The following FHIT variants were observed in gnomAD, a reference collection of about 807,000 sequenced individuals.
FHIT encodes bis(5'-adenosyl)-triphosphatase.
FHIT carries 19 observed loss-of-function variants against 17.9 expected under a neutral mutation model. The ratio of observed to expected loss-of-function variants is 1.06; its 90% CI spans 0.74 to 1.56. The LOEUF (loss-of-function observed/expected upper bound fraction) is 1.56. Ranked by LOEUF, FHIT falls within the 40% of genes most tolerant of loss-of-function variation. FHIT has a pLI of 0.00. For missense variants in FHIT, 248 were observed against 189.2 expected (o/e 1.31, Z -1.82); for synonymous variants, 81 against 69.7 (o/e 1.16, Z -0.81).
chr3:60,294,254 A>G (rs1169856326), intron 5 of FHIT, among the ~76,000 whole-genome samples: 1 of 152,150 alleles, frequency 6.6e-6, no homozygotes, highest in Non-Finnish European at 1.5e-5. Context: ...AAATAACATA[A>G]CAGATTCACT....
intron 4 of FHIT, among the ~76,000 whole-genome samples, chr3:60,569,749 ATATATATT>A (rs1185768766): frequency 8.0e-5 from 5 of 62,774 alleles, no homozygotes; most frequent in African/African-American, 3.1e-4. Context: ...ATATATATAT[ATATATATT>A]TTTTTTTTTT....
At position 60,838,118 on chromosome 3, in the gene FHIT, G is replaced by A. The variant is rs533302534; in HGVS notation, c.-110-16107C>T. ...TTAGATAACTCTTTTCTTTTCTTTC[G>A]AGGCAGAGTCTCACCGTGTCATCCA... On this transcript the variant is annotated intron_variant, in intron 3 of 9. Transcript: ENST00000492590. Among the ~76,000 whole-genome samples the A allele has an allele frequency of 3.0e-4, 46 of 151,810 alleles. 1 individual carries two copies. The South Asian group carries it at 6.2e-3, about 21-fold the overall frequency.
At chr3:60,623,547 G>A (rs2039194863) in intron 4 of FHIT, among the ~76,000 whole-genome samples, 1 of 152,116 alleles carries the variant, frequency 6.6e-6, no homozygotes, top group South Asian at 2.1e-4. Flanking sequence ...AATACTGTGT[G>A]TTTGTATCAC....
chr3:60,151,796 A>C (rs1048541419), intron 5 of FHIT, among the ~76,000 whole-genome samples: 2 of 152,106 alleles, frequency 1.3e-5, no homozygotes, highest in Non-Finnish European at 2.9e-5. Context: ...CACCAATCTC[A>C]TATCTTCAAA....
At chr3:60,537,700 C>A (rs1223856923) in intron 4 of FHIT, among the ~76,000 whole-genome samples, 2 of 152,086 alleles carry the variant, frequency 1.3e-5, no homozygotes, top group African/African-American at 4.8e-5. Flanking sequence ...GGGAATTTGG[C>A]AAATGGCACA....
chr3:60,673,947 C>T (rs2040565691), intron 4 of FHIT, among the ~76,000 whole-genome samples: 1 of 152,030 alleles, frequency 6.6e-6, no homozygotes. Context: ...TTGATTTTTT[C>T]ACTATATTTG....
intron 5 of FHIT, among the ~76,000 whole-genome samples, chr3:60,427,549 G>T (rs1016605494): frequency 1.3e-5 from 2 of 152,102 alleles, no homozygotes; most frequent in African/African-American, 4.8e-5. Context: ...CACAGCAATA[G>T]CAATCTCCCG....
At chr3:60,432,208 T>G (rs1405284163) in intron 5 of FHIT, among the ~76,000 whole-genome samples, 2 of 152,072 alleles carry the variant, frequency 1.3e-5, no homozygotes, top group Non-Finnish European at 2.9e-5. Context: ...ACTCCTGAGC[T>G]CAAGCGATGC....
chr3:60,061,163 G>A (rs890307328), intron 5 of FHIT, among the ~76,000 whole-genome samples: 8 of 152,000 alleles, frequency 5.3e-5, no homozygotes, highest in Admixed American at 1.3e-4. Flanking sequence ...TTTCTAACAA[G>A]AGCCCAGTGG....
chr3:59,960,649 G>A (rs1243383432), intron 7 of FHIT, among the ~76,000 whole-genome samples: 1 of 152,202 alleles, frequency 6.6e-6, no homozygotes, highest in African/African-American at 2.4e-5. Context: ...AATGTTCATG[G>A]AAAGCAATAA....
intron 1 of FHIT, among the ~76,000 whole-genome samples, chr3:61,250,974 A>G (rs1263018229): frequency 6.6e-6 from 1 of 152,168 alleles, no homozygotes; most frequent in Non-Finnish European, 1.5e-5. Flanking sequence ...GAACCATCCC[A>G]AAACGGCGGG....
chr3:60,417,179 G>C (rs989308949), intron 5 of FHIT, among the ~76,000 whole-genome samples: 3 of 152,056 alleles, frequency 2.0e-5, no homozygotes, highest in South Asian at 4.2e-4. Flanking sequence ...CCATAATCTG[G>C]AATATTATGT....
At chr3:59,996,433 A>C (rs1699514583) in intron 7 of FHIT, among the ~76,000 whole-genome samples, 1 of 152,078 alleles carries the variant, frequency 6.6e-6, no homozygotes, top group Admixed American at 6.6e-5. Context: ...CTAGCAGTCC[A>C]TGGGTAAGCC....
At chr3:60,586,874 A>G (rs2037924619) in intron 4 of FHIT, among the ~76,000 whole-genome samples, 1 of 151,868 alleles carries the variant, frequency 6.6e-6, no homozygotes, top group Non-Finnish European at 1.5e-5. Context: ...AAGAGGAGCA[A>G]AAAAAATAAC....
At chr3:61,161,344 G>C (rs921368530) in intron 2 of FHIT, among the ~76,000 whole-genome samples, 2 of 151,948 alleles carry the variant, frequency 1.3e-5, no homozygotes, top group African/African-American at 4.8e-5. Context: ...TGGGACTACA[G>C]GTGCATGCCA....
intron 3 of FHIT, among the ~76,000 whole-genome samples, chr3:60,874,026 T>A (rs1575627341): frequency 6.6e-6 from 1 of 152,112 alleles, no homozygotes; most frequent in East Asian, 1.9e-4. Context: ...CTACACCAGA[T>A]CAAAACCTCT....
chr3:61,065,576 A>G (rs2034577063), intron 2 of FHIT, among the ~76,000 whole-genome samples: 1 of 152,142 alleles, frequency 6.6e-6, no homozygotes, highest in Non-Finnish European at 1.5e-5. Context: ...CGCTTCCCCA[A>G]AACTAACATG....
chr3:60,341,019 G>C (rs985429647), intron 5 of FHIT, among the ~76,000 whole-genome samples: 2 of 152,092 alleles, frequency 1.3e-5, no homozygotes, highest in Non-Finnish European at 1.5e-5. Flanking sequence ...ATGAAACATG[G>C]ATTAATAGTA....
intron 5 of FHIT, among the ~76,000 whole-genome samples, chr3:60,311,647 C>G (rs1708952439): frequency 6.6e-6 from 1 of 152,176 alleles, no homozygotes; most frequent in Admixed American, 6.5e-5. Flanking sequence ...CACATTAGGA[C>G]CAATGCATAA....
Sources: allele counts gnomAD v4.1 joint callset (sites outside exome capture counted in the v4.1 genomes callset), GRCh38; gene constraint gnomAD v4.1.1; transcripts MANE v1.5; gene names NCBI Gene and HGNC (gene_info 2026-07-23, HGNC 2026-07-21).